The following RANBP17 variants were observed in gnomAD, a reference collection of about 807,000 sequenced individuals.
RANBP17 encodes ran-binding protein 17.
Under a neutral mutation model 141.2 loss-of-function variants are expected in RANBP17, and 158 were observed. That is an observed-to-expected ratio of 1.12 (90% CI 0.98 to 1.28). The LOEUF is 1.28. Ranked by LOEUF, RANBP17 falls within the 50% of genes most tolerant of loss-of-function variation. RANBP17 has a pLI of 0.00. For missense variants in RANBP17, 1,438 were observed against 1,290.7 expected (o/e 1.11, Z -1.75); for synonymous variants, 430 against 450.0 (o/e 0.96, Z 0.56).
intron 8 of RANBP17, 149 bp downstream of exon 8, chr5:170,914,389 AC>A (rs1561884777): frequency 1.7e-6 from 1 of 600,218 alleles, no homozygotes; most frequent in Non-Finnish European, 2.9e-6. Context: ...TACTGCTTAA[AC>A]TATTTGTCAA....
intron 14 of RANBP17, among the ~76,000 whole-genome samples, chr5:170,996,853 A>G (rs1044037305): frequency 6.6e-6 from 1 of 151,988 alleles, no homozygotes; most frequent in Admixed American, 6.6e-5. Flanking sequence ...AAGGGGGGGA[A>G]CCCAATTACA....
chr5:171,218,682 T>G (rs1763371605), intron 21 of RANBP17, among the ~76,000 whole-genome samples: 1 of 152,216 alleles, frequency 6.6e-6, no homozygotes, highest in African/African-American at 2.4e-5. Flanking sequence ...TTTTGATCTT[T>G]GTGGGTTTAA....
At chr5:170,883,273 A>G (rs1242922072) in intron 3 of RANBP17, among the ~76,000 whole-genome samples, 1 of 152,226 alleles carries the variant, frequency 6.6e-6, no homozygotes, top group Non-Finnish European at 1.5e-5. Flanking sequence ...CACATCTTTT[A>G]AATAGACTTA....
intron 22 of RANBP17, among the ~76,000 whole-genome samples, chr5:171,235,164 C>G (rs1764459442): frequency 6.6e-6 from 1 of 152,130 alleles, no homozygotes; most frequent in Non-Finnish European, 1.5e-5. Flanking sequence ...GGCTAAGAGT[C>G]AGCCATTACA....
rs142606166 is a variant in RANBP17 at position 171,239,125 on chromosome 5, T to C, written c.2423-1803T>C. ...TGTTATCTCTCTAAGGTAAGTTACA[T>C]TGAGATCATGAAAGAGGGTACAGAA... On this transcript the variant is annotated intron_variant, in intron 22 of 27. Coordinates refer to ENST00000523189, the MANE Select transcript of RANBP17 (RefSeq NM_022897.5). Among the ~76,000 whole-genome samples, 538 of 152,294 alleles carry C rather than the reference T, an allele frequency of 3.5e-3. 1 individual carries two copies. Among genetic ancestry groups the C allele is most frequent in the African/African-American group, 0.012 (511 of 41,572 alleles).
chr5:171,228,383 G>A (rs1482463658), intron 22 of RANBP17, among the ~76,000 whole-genome samples: 1 of 152,186 alleles, frequency 6.6e-6, no homozygotes, highest in Non-Finnish European at 1.5e-5. Context: ...AATTAGAAGT[G>A]GAGACTGAAG....
chr5:170,961,694 A>G (rs552345968), intron 13 of RANBP17, among the ~76,000 whole-genome samples: 1 of 152,326 alleles, frequency 6.6e-6, no homozygotes, highest in African/African-American at 2.4e-5. Flanking sequence ...TTTCAAAAAA[A>G]TTAAAAATCT....
chr5:170,974,158 C>T (rs1307432925), intron 14 of RANBP17, among the ~76,000 whole-genome samples: 3 of 152,208 alleles, frequency 2.0e-5, no homozygotes, highest in African/African-American at 7.2e-5. Flanking sequence ...TAAATATCAT[C>T]TAAATGAGAT....
intron 14 of RANBP17, among the ~76,000 whole-genome samples, chr5:171,153,216 A>G (rs144224867): frequency 6.6e-6 from 1 of 152,304 alleles, no homozygotes; most frequent in East Asian, 1.9e-4. Context: ...TCCTAGTCAT[A>G]TTTCTGAAGT....
At chr5:170,943,176 CTG>C (rs1285194758) in intron 12 of RANBP17, among the ~76,000 whole-genome samples, 1 of 152,126 alleles carries the variant, frequency 6.6e-6, no homozygotes, top group Non-Finnish European at 1.5e-5. Flanking sequence ...TTTGTATACA[CTG>C]TGTGTAGTAG....
chr5:171,056,272 G>A (rs1313858017), intron 14 of RANBP17, among the ~76,000 whole-genome samples: 1 of 152,096 alleles, frequency 6.6e-6, no homozygotes, highest in Admixed American at 6.6e-5. Context: ...AGTCTCCAAA[G>A]TTACCAGAAA....
In RANBP17 at chr5:171,142,945, A is replaced by G. The variant is rs376379033; in HGVS notation, c.1711-27185A>G. ...AGGCATTTACATTATTTTTCTAGGC[A>G]TAAGTAATAAAGACCTGGTTTCTTA... On this transcript the variant is annotated intron_variant, in intron 14 of 27. Transcript: ENST00000523189. Among the ~76,000 whole-genome samples the G allele has an allele frequency of 6.6e-5, 10 of 152,370 alleles. No homozygotes were observed. The East Asian group carries it at 1.9e-3, about 29-fold the overall frequency.
At chr5:171,139,610 A>G (rs1214387292) in intron 14 of RANBP17, among the ~76,000 whole-genome samples, 2 of 152,130 alleles carry the variant, frequency 1.3e-5, no homozygotes, top group African/African-American at 4.8e-5. Flanking sequence ...GTTCTACTAT[A>G]TATTTTTTGC....
At chr5:171,109,084 T>C (rs1755043210) in intron 14 of RANBP17, among the ~76,000 whole-genome samples, 1 of 152,178 alleles carries the variant, frequency 6.6e-6, no homozygotes. Context: ...CATGTGATAA[T>C]GCATGGCTGT....
intron 14 of RANBP17, chr5:171,028,985 TCCAGGTGAGGGCAAGTC>T: frequency 1.6e-6 from 2 of 1,271,904 alleles, no homozygotes; most frequent in Non-Finnish European, 2.0e-6. Context: ...CAGTCTAAGG[TCCAGGTGAGGGCAAGTC>T]AGTCTATATG....
In RANBP17 at chr5:170,907,663, A is replaced by G. The variant is rs115492026; in HGVS notation, c.490-1998A>G. On this transcript the variant is annotated intron_variant, in intron 5 of 27. Transcript: ENST00000523189. ...CTTTTAAAATCATCCTTTATTTCAA[A>G]ACTCATGTGTTTTAAAAAGATAAAA... is the stretch of plus-strand genomic sequence containing the variant. Among the ~76,000 whole-genome samples the G allele has an allele frequency of 9.7e-3, 1,483 of 152,108 alleles. 18 individuals are homozygous for G. Among genetic ancestry groups the G allele is most frequent in the Non-Finnish European group, 0.014 (931 of 67,902 alleles).
intron 24 of RANBP17, among the ~76,000 whole-genome samples, chr5:171,261,781 C>T (rs929881115): frequency 7.9e-5 from 12 of 152,048 alleles, no homozygotes; most frequent in African/African-American, 2.9e-4. Flanking sequence ...ATGACCTCTG[C>T]CTGTGTTTTA....
At chr5:171,139,611 T>C (rs1170727502) in intron 14 of RANBP17, among the ~76,000 whole-genome samples, 1 of 152,192 alleles carries the variant, frequency 6.6e-6, no homozygotes, top group Non-Finnish European at 1.5e-5. Flanking sequence ...TTCTACTATA[T>C]ATTTTTTGCC....
chr5:170,982,384 A>G (rs1238957914), intron 14 of RANBP17, among the ~76,000 whole-genome samples: 3 of 152,210 alleles, frequency 2.0e-5, no homozygotes, highest in African/African-American at 7.2e-5. Context: ...CTCTTGAAGA[A>G]AACCTCATAT....
Sources: allele counts gnomAD v4.1 joint callset (sites outside exome capture counted in the v4.1 genomes callset), GRCh38; gene constraint gnomAD v4.1.1; transcripts MANE v1.5; gene names NCBI Gene and HGNC (gene_info 2026-07-23, HGNC 2026-07-21).